The following ARHGAP31 variants were observed in gnomAD, a reference collection of about 807,000 sequenced individuals.
ARHGAP31 encodes the protein rho GTPase-activating protein 31.
In ARHGAP31, 34 loss-of-function variants were observed where a neutral mutation model predicts 113.9. That is an observed-to-expected ratio of 0.30 (90% CI 0.23 to 0.40). The LOEUF (loss-of-function observed/expected upper bound fraction) is 0.40, where lower values mean the gene tolerates loss of function less well. Ranked by LOEUF, ARHGAP31 falls within the 10% of genes least tolerant of loss-of-function variation. The pLI is 1.00. For missense variants in ARHGAP31, 1,548 were observed against 1,767.1 expected (o/e 0.88, Z 2.22); for synonymous variants, 650 against 684.8 (o/e 0.95, Z 0.79).
chr3:119,298,049 T>G (rs535790672), intron 1 of ARHGAP31, among the ~76,000 whole-genome samples: 15 of 152,156 alleles, frequency 9.9e-5, no homozygotes, highest in African/African-American at 3.6e-4. Flanking sequence ...CAGGACCAAT[T>G]TTCCCCCTTC....
chr3:119,298,172 T>C (rs1223783900), intron 1 of ARHGAP31, among the ~76,000 whole-genome samples: 1 of 152,140 alleles, frequency 6.6e-6, no homozygotes, highest in Admixed American at 6.5e-5. Flanking sequence ...AAGAGCCTCT[T>C]GCACTTCCCC....
At chr3:119,389,899 G>T (rs1465695726) in intron 6 of ARHGAP31, among the ~76,000 whole-genome samples, 1 of 152,158 alleles carries the variant, frequency 6.6e-6, no homozygotes, top group Non-Finnish European at 1.5e-5. Flanking sequence ...TTGAGTGCTG[G>T]ATGATTCTTA....
chr3:119,330,613 G>A (rs1301378515), intron 1 of ARHGAP31, among the ~76,000 whole-genome samples: 1 of 152,172 alleles, frequency 6.6e-6, no homozygotes, highest in African/African-American at 2.4e-5. Flanking sequence ...ATTTTCTGGT[G>A]AGCCTTAAGC....
rs769613723 is a variant in ARHGAP31, at chr3:119,415,588, G to A, written c.3659G>A (p.Ser1220Asn). The A allele has an allele frequency of 8.7e-6, 14 of 1,614,066 alleles. No homozygotes were observed. Among genetic ancestry groups the A allele is most frequent in the African/African-American group, 1.3e-5 (1 of 74,926 alleles). Residue 1220 changes from serine (S) to asparagine (N), a missense_variant, in exon 12 of 12, where the codon AGC becomes AAC. Coordinates refer to ENST00000264245, the MANE Select transcript of ARHGAP31 (RefSeq NM_020754.4). The stretch of plus-strand genomic sequence containing the variant: ...ATCCCACAGCCCCTGCCCTCTCAGA[G>A]CTCAGGGGAGAATGGGGTTCAGCCT... ...TQIPQPLPSQ[S>N]SGENGVQPLE...
intron 1 of ARHGAP31, among the ~76,000 whole-genome samples, chr3:119,361,374 CTTT>C (rs555396093): frequency 3.0e-5 from 4 of 132,312 alleles, no homozygotes; most frequent in Non-Finnish European, 3.2e-5. Flanking sequence ...TTCAACATTC[CTTT>C]TTTTTTTTTT....
intron 1 of ARHGAP31, among the ~76,000 whole-genome samples, chr3:119,325,970 C>T (rs1225311475): frequency 6.6e-6 from 1 of 152,114 alleles, no homozygotes; most frequent in African/African-American, 2.4e-5. Context: ...GCGGGTGGAT[C>T]ACCTAGGGTC....
intron 1 of ARHGAP31, among the ~76,000 whole-genome samples, chr3:119,362,272 TGTG>T (rs1265409327): frequency 2.0e-5 from 3 of 152,342 alleles, no homozygotes; most frequent in East Asian, 3.9e-4. Context: ...AGCCATGCAC[TGTG>T]GTACAGACTT....
intron 9 of ARHGAP31, among the ~76,000 whole-genome samples, chr3:119,400,457 A>C (rs1014981751): frequency 5.3e-5 from 8 of 152,086 alleles, no homozygotes; most frequent in African/African-American, 1.7e-4. Flanking sequence ...CTGTCTCAAA[A>C]AAAAAATAAT....
chr3:119,336,159 G>A (rs2079944683), intron 1 of ARHGAP31, among the ~76,000 whole-genome samples: 1 of 152,204 alleles, frequency 6.6e-6, no homozygotes, highest in South Asian at 2.1e-4. Context: ...TGGGTGACAA[G>A]AGTGAAACTT....
chr3:119,344,068 G>A (rs986413009), intron 1 of ARHGAP31, among the ~76,000 whole-genome samples: 1 of 152,204 alleles, frequency 6.6e-6, no homozygotes, highest in Non-Finnish European at 1.5e-5. Flanking sequence ...AGTGGGAAAG[G>A]AACTCAGAGA....
intron 1 of ARHGAP31, among the ~76,000 whole-genome samples, chr3:119,302,752 T>C (rs2079595581): frequency 6.6e-6 from 1 of 152,254 alleles, no homozygotes; most frequent in Non-Finnish European, 1.5e-5. Context: ...GTCTCAGGCA[T>C]GAACCACATA....
intron 1 of ARHGAP31, among the ~76,000 whole-genome samples, chr3:119,320,634 G>A (rs556414561): frequency 6.6e-6 from 1 of 152,162 alleles, no homozygotes; most frequent in Non-Finnish European, 1.5e-5. Context: ...GCCATTAAAA[G>A]TTCCATTACT....
In ARHGAP31 at chr3:119,414,089, G is replaced by A. The variant is rs750358913; in HGVS notation, c.2160G>A (p.Arg720=). ...CCACCCCTCTGGAGGTGTGGACTAG[G>A]GATCCAGCCAATCAGAGCACACAGG... The part of the protein sequence containing the change: ...PVSTPLEVWT[R]DPANQSTQGA... Residue 720 remains arginine, a synonymous_variant, in exon 12 of 12, where the codon AGG becomes AGA. Transcript: ENST00000264245. The A allele has an allele frequency of 1.2e-6, 2 of 1,614,148 alleles. No homozygotes were observed. The highest frequency in any genetic ancestry group is 2.2e-5 in the South Asian group (2 of 91,084).
chr3:119,407,038 T>C (rs2080668680), intron 10 of ARHGAP31, among the ~76,000 whole-genome samples: 2 of 152,124 alleles, frequency 1.3e-5, no homozygotes, highest in African/African-American at 4.8e-5. Flanking sequence ...GAAACCCAAA[T>C]GAGGCCACAT....
At position 119,365,321 on chromosome 3, in the gene ARHGAP31, T is replaced by C. The variant is rs764749352; in HGVS notation, c.106T>C (p.Tyr36His). 7 of 1,613,528 alleles carry C rather than the reference T, an allele frequency of 4.3e-6. No individual in the cohort carries two copies. The African/African-American group carries it at 9.3e-5, about 22-fold the overall frequency. The change falls in exon 2 of 12, where the codon TAC becomes CAC. Residue 36 changes from tyrosine (Y) to histidine (H), a missense_variant. Physicochemically the swap from Tyr to His is moderately conservative, Grantham distance 83 (BLOSUM62 2). Coordinates refer to ENST00000264245, the MANE Select transcript of ARHGAP31 (RefSeq NM_020754.4). ...TTTTCTTTTCTTTTACATAGTTCCA[T>C]ACGTTTTGAAGAGCTGTGCAGAATT... ...YLESSGQDVP[Y>H]VLKSCAEFIE...
intron 9 of ARHGAP31, 44 bp downstream of exon 9, chr3:119,399,305 G>A: frequency 6.5e-7 from 1 of 1,532,450 alleles, no homozygotes. Context: ...TTACAACTAG[G>A]AGGCTGGAGC....
At chr3:119,338,070 A>G (rs1029134670) in intron 1 of ARHGAP31, among the ~76,000 whole-genome samples, 8 of 152,232 alleles carry the variant, frequency 5.3e-5, no homozygotes, top group African/African-American at 1.9e-4. Flanking sequence ...GTGAGTTTTA[A>G]TAATATGTAT....
chr3:119,356,333 C>CA (rs942022219), intron 1 of ARHGAP31, among the ~76,000 whole-genome samples: 2 of 151,560 alleles, frequency 1.3e-5, no homozygotes, highest in Non-Finnish European at 2.9e-5. Flanking sequence ...TTAACAACAA[C>CA]AACAAAAAAA....
At chr3:119,406,610 G>A (rs2080664967) in intron 10 of ARHGAP31, among the ~76,000 whole-genome samples, 1 of 152,178 alleles carries the variant, frequency 6.6e-6, no homozygotes, top group Non-Finnish European at 1.5e-5. Context: ...CAGCGAATCT[G>A]TCGGGGACAG....
Sources: gnomAD v4.1 joint callset for allele counts (sites outside exome capture counted in the v4.1 genomes callset) on GRCh38, gnomAD v4.1.1 for gene constraint, MANE v1.5 for transcripts, NCBI Gene and HGNC (gene_info 2026-07-23, HGNC 2026-07-21) for gene names.